The following CRISPLD1 variants were observed in gnomAD, a reference collection of about 807,000 sequenced individuals.
The protein encoded by CRISPLD1 is cysteine rich secretory protein LCCL domain containing 1, also known as cysteine-rich secretory protein LCCL domain-containing 1.
CRISPLD1 carries 60 observed loss-of-function variants against 77.5 expected under a neutral mutation model. That is an observed-to-expected ratio of 0.77 (90% CI 0.63 to 0.96). The LOEUF (loss-of-function observed/expected upper bound fraction) is 0.96. CRISPLD1 is among the 40% of genes least tolerant of loss of function. CRISPLD1 has a pLI of 0.00. For synonymous variants in CRISPLD1, 195 were observed against 200.1 expected (o/e 0.97, Z 0.22); for missense variants, 623 against 615.8 (o/e 1.01, Z -0.12).
At chr8:75,023,506 G>A (rs1288149246) in intron 12 of CRISPLD1, among the ~76,000 whole-genome samples, 1 of 152,124 alleles carries the variant, frequency 6.6e-6, no homozygotes, top group Non-Finnish European at 1.5e-5. Flanking sequence ...TCCATGTTAT[G>A]TGAAGTATAT....
chr8:74,990,294 A>G (rs1563606227), intron 2 of CRISPLD1, among the ~76,000 whole-genome samples: 1 of 152,046 alleles, frequency 6.6e-6, no homozygotes, highest in East Asian at 1.9e-4. Flanking sequence ...TAAAAAAAAA[A>G]AAAGAAAACA....
chr8:75,013,781 G>T (rs1477580884), intron 4 of CRISPLD1, among the ~76,000 whole-genome samples: 2 of 152,090 alleles, frequency 1.3e-5, no homozygotes, highest in African/African-American at 4.8e-5. Flanking sequence ...ACCAGACACA[G>T]TTATTTTTCT....
intron 2 of CRISPLD1, among the ~76,000 whole-genome samples, chr8:74,996,311 T>TA (rs1587006509): frequency 6.6e-6 from 1 of 152,170 alleles, no homozygotes; most frequent in East Asian, 1.9e-4. Flanking sequence ...AGTGATTTGT[T>TA]ATTATTGATA....
intron 13 of CRISPLD1, chr8:75,026,691 C>T (rs548067742): frequency 1.1e-4 from 17 of 152,246 alleles, no homozygotes; most frequent in African/African-American, 4.1e-4. Flanking sequence ...GTCTTATGCA[C>T]ATATTCAATA....
At chr8:75,018,165 A>G (rs1033022868) in intron 10 of CRISPLD1, among the ~76,000 whole-genome samples, 3 of 152,190 alleles carry the variant, frequency 2.0e-5, no homozygotes, top group African/African-American at 7.2e-5. Flanking sequence ...GTTACAATAC[A>G]GTTGCATGAA....
At chr8:75,015,433 A>G (rs578219616) in intron 6 of CRISPLD1, among the ~76,000 whole-genome samples, 1 of 152,180 alleles carries the variant, frequency 6.6e-6, no homozygotes, top group Non-Finnish European at 1.5e-5. Context: ...AACTACTATA[A>G]AAGTAGTACT....
chr8:75,001,604 CA>C (rs1287185392), intron 2 of CRISPLD1, among the ~76,000 whole-genome samples: 2 of 152,158 alleles, frequency 1.3e-5, no homozygotes, highest in Non-Finnish European at 2.9e-5. Flanking sequence ...AAGTTACCGT[CA>C]TTGTGTGGAA....
At chr8:74,997,641 C>T (rs1313484531) in intron 2 of CRISPLD1, among the ~76,000 whole-genome samples, 8 of 152,162 alleles carry the variant, frequency 5.3e-5, no homozygotes, top group South Asian at 2.1e-4. Flanking sequence ...GACTGAGCCG[C>T]GGGGCATGCA....
intron 12 of CRISPLD1, among the ~76,000 whole-genome samples, chr8:75,024,746 G>T (rs1813203422): frequency 6.6e-6 from 1 of 152,136 alleles, no homozygotes; most frequent in Non-Finnish European, 1.5e-5. Flanking sequence ...AGATGATAGA[G>T]CCCAGAGTTA....
Position 75,014,079 on chromosome 8 carries a change from C to A in CRISPLD1, c.603C>A (p.Tyr201Ter). Residue 201 changes from tyrosine (Y) to a stop codon, truncating the protein, a stop_gained, in exon 5 of 15, where the codon TAC becomes TAA. Coordinates refer to ENST00000262207, the MANE Select transcript of CRISPLD1 (RefSeq NM_031461.6). LOFTEE classifies it high-confidence loss of function. Reference sequence around the variant, plus strand: ...GGCAGATATGGCCCAAAGCTGTCTACCTGGTGTGCAATTACTCCCCAAAGT... The same window carrying A: ...GGCAGATATGGCCCAAAGCTGTCTAACTGGTGTGCAATTACTCCCCAAAGT... ...IWGQIWPKAV[Y>*]LVCNYSPKGN... 1 of 1,611,806 alleles carries A rather than the reference C, an allele frequency of 6.2e-7. No homozygotes were observed. The highest frequency in any genetic ancestry group is 8.5e-7 in the Non-Finnish European group (1 of 1,178,178).
At chr8:74,989,478 G>A (rs556811172) in intron 2 of CRISPLD1, among the ~76,000 whole-genome samples, 47 of 151,922 alleles carry the variant, frequency 3.1e-4, no homozygotes, top group African/African-American at 1.0e-3. Flanking sequence ...CATTCTAGGC[G>A]TTGTTCTTCT....
At chr8:75,022,411 C>T (rs1813151461) in intron 12 of CRISPLD1, among the ~76,000 whole-genome samples, 2 of 151,252 alleles carry the variant, frequency 1.3e-5, no homozygotes, top group Non-Finnish European at 3.0e-5. Flanking sequence ...ACGATGATAC[C>T]CCATCTCTAC....
intron 4 of CRISPLD1, among the ~76,000 whole-genome samples, chr8:75,013,485 T>C (rs1812971811): frequency 2.6e-5 from 4 of 152,272 alleles, no homozygotes; most frequent in South Asian, 4.1e-4. Context: ...ATCAGACTTA[T>C]TATCAGTGAA....
At chr8:75,011,515 C>T (rs927312753) in intron 2 of CRISPLD1, among the ~76,000 whole-genome samples, 1 of 151,966 alleles carries the variant, frequency 6.6e-6, no homozygotes, top group African/African-American at 2.4e-5. Flanking sequence ...GTCTACCTAA[C>T]TTGGTGTTTT....
chr8:75,010,715 C>T lies in CRISPLD1; in HGVS notation c.259-1718C>T, dbSNP rs1812914239. Among the ~76,000 whole-genome samples, 3 of 151,986 alleles carry T rather than the reference C, an allele frequency of 2.0e-5. No homozygotes were observed. The South Asian group carries it at 6.2e-4, about 32-fold the overall frequency. ...TTAGTTTTTCTGTAACCTCTTTTAT[C>T]CTGTCTTGCCTGGCTTCTTTTGTTA... On this transcript the variant is annotated intron_variant, in intron 2 of 14. Coordinates refer to ENST00000262207, the MANE Select transcript of CRISPLD1 (RefSeq NM_031461.6).
intron 2 of CRISPLD1, among the ~76,000 whole-genome samples, chr8:74,996,958 C>A (rs1407455319): frequency 6.6e-6 from 1 of 151,976 alleles, no homozygotes; most frequent in Non-Finnish European, 1.5e-5. Flanking sequence ...CTCAAGTGAT[C>A]CTCCTGCCTC....
intron 4 of CRISPLD1, among the ~76,000 whole-genome samples, chr8:75,013,286 G>A (rs934554554): frequency 1.3e-5 from 2 of 151,914 alleles, no homozygotes; most frequent in African/African-American, 4.8e-5. Flanking sequence ...CAGTAATATG[G>A]GGGGAAATTT....
chr8:74,998,619 C>T (rs560144853), intron 2 of CRISPLD1, among the ~76,000 whole-genome samples: 7 of 130,832 alleles, frequency 5.4e-5, no homozygotes, highest in African/African-American at 1.8e-4. Flanking sequence ...ACCTGGGAGA[C>T]GGAGGTTTTA....
At position 75,017,386 on chromosome 8, in the gene CRISPLD1, A is replaced by G. The variant is rs1391213255; in HGVS notation, c.1063A>G (p.Ile355Val). 1.2e-6 allele frequency: 2 copies of G among 1,611,218 alleles called. No individual in the cohort carries two copies. Among genetic ancestry groups the G allele is most frequent in the Admixed American group, 1.7e-5 (1 of 59,626 alleles). Reference protein sequence around the residue: ...IIDNDGGWVDITRQGRKHYFI... With the variant: ...IIDNDGGWVDVTRQGRKHYFI... The stretch of plus-strand genomic sequence containing the variant: ...AGACAATGATGGTGGCTGGGTAGAT[A>G]TCACTAGACAAGGAAGAAAGCATTA... Residue 355 changes from isoleucine to valine, a missense_variant, in exon 10 of 15, where the codon ATC becomes GTC. Physicochemically the swap from Ile to Val is conservative, Grantham distance 29. Coordinates refer to ENST00000262207, the MANE Select transcript of CRISPLD1 (RefSeq NM_031461.6).
Sources: gnomAD v4.1 joint callset for allele counts (sites outside exome capture counted in the v4.1 genomes callset) on GRCh38, gnomAD v4.1.1 for gene constraint, MANE v1.5 for transcripts, NCBI Gene and HGNC (gene_info 2026-07-23, HGNC 2026-07-21) for gene names.